SCLT1: variants seen among roughly 807,000 people sequenced by gnomAD.
SCLT1 encodes sodium channel-associated protein 1.
Under a neutral mutation model 112.8 loss-of-function variants are expected in SCLT1, and 78 were observed. That is an observed-to-expected ratio of 0.69 (90% CI 0.58 to 0.83). The LOEUF is 0.83. Among genes scored for constraint, SCLT1 ranks in the 40% least tolerant of loss-of-function variants. SCLT1 has a pLI of 0.00. For synonymous variants in SCLT1, 257 were observed against 254.7 expected (o/e 1.01, Z -0.09); for missense variants, 747 against 770.4 (o/e 0.97, Z 0.36).
chr4:128,965,048 A>T (rs1472649538), intron 11 of SCLT1, among the ~76,000 whole-genome samples, 179 bp downstream of exon 11: 1 of 152,238 alleles, frequency 6.6e-6, no homozygotes, highest in African/African-American at 2.4e-5. Flanking sequence ...AAAGTATAGC[A>T]ATCTGTTGAA....
intron 5 of SCLT1, among the ~76,000 whole-genome samples, chr4:129,029,826 A>G (rs1746532531): frequency 6.6e-6 from 1 of 152,140 alleles, no homozygotes; most frequent in African/African-American, 2.4e-5. Context: ...AAGTTCTTAC[A>G]GACCTACAAA....
At chr4:128,889,745 GA>G (rs1267369380) in intron 19 of SCLT1, among the ~76,000 whole-genome samples, 2 of 152,074 alleles carry the variant, frequency 1.3e-5, no homozygotes, top group Non-Finnish European at 2.9e-5. Context: ...TAGTACATCT[GA>G]AAAAAATATT....
At chr4:128,939,640 G>A (rs948392485) in intron 17 of SCLT1, among the ~76,000 whole-genome samples, 2 of 152,100 alleles carry the variant, frequency 1.3e-5, no homozygotes, top group South Asian at 4.1e-4. Flanking sequence ...GTAATGAGGC[G>A]GAATTTAGAC....
chr4:128,993,994 G>T (rs1324499162), intron 8 of SCLT1, among the ~76,000 whole-genome samples: 1 of 151,942 alleles, frequency 6.6e-6, no homozygotes, highest in Non-Finnish European at 1.5e-5. Flanking sequence ...AATTTGCATT[G>T]GTAAAGAAAG....
intron 18 of SCLT1, among the ~76,000 whole-genome samples, chr4:128,900,944 C>T (rs1431209878): frequency 2.0e-5 from 3 of 152,000 alleles, no homozygotes; most frequent in Admixed American, 2.0e-4. Context: ...CACTGGCCAT[C>T]AGAGAAATGC....
intron 5 of SCLT1, among the ~76,000 whole-genome samples, chr4:129,036,324 T>G (rs982818840): frequency 6.6e-6 from 1 of 152,048 alleles, no homozygotes; most frequent in African/African-American, 2.4e-5. Context: ...TCAAAAGACC[T>G]GCATATGAAA....
intron 5 of SCLT1, among the ~76,000 whole-genome samples, chr4:129,010,321 T>C (rs923422896): frequency 6.6e-6 from 1 of 152,204 alleles, no homozygotes; most frequent in African/African-American, 2.4e-5. Flanking sequence ...ACTGTAGCCC[T>C]GCAGTATAGT....
intron 2 of SCLT1, among the ~76,000 whole-genome samples, chr4:129,079,565 T>A (rs1449095542): frequency 1.3e-5 from 2 of 152,212 alleles, no homozygotes; most frequent in Non-Finnish European, 2.9e-5. Context: ...CTTGGGCAGC[T>A]CTGCCTCTGT....
chr4:129,003,753 C>G lies in SCLT1; in HGVS notation c.414G>C (p.Gln138His). ...ACATGTCACTCACTTGATTGGCTAG[C>G]TGCAATTGTTCTTGAAGGTTTCTGA... ...ETVRNLQEQL[Q>H]LANQEKTQAV... Residue 138 changes from glutamine (Q) to histidine (H), a missense_variant, in exon 6 of 21, where the codon CAG (glutamine) becomes CAC (histidine). Coordinates refer to ENST00000281142, the MANE Select transcript of SCLT1 (RefSeq NM_144643.4). The G allele has an allele frequency of 6.2e-7, 1 of 1,605,100 alleles. No individual in the cohort carries two copies. The highest frequency in any genetic ancestry group is 8.5e-7 in the Non-Finnish European group (1 of 1,176,396).
chr4:128,922,318 T>A (rs940204521), intron 18 of SCLT1, among the ~76,000 whole-genome samples: 1 of 152,152 alleles, frequency 6.6e-6, no homozygotes, highest in Non-Finnish European at 1.5e-5. Flanking sequence ...CCAAGGAATA[T>A]AAATTGTTTT....
At chr4:129,031,620 G>A (rs1746729693) in intron 5 of SCLT1, among the ~76,000 whole-genome samples, 2 of 152,030 alleles carry the variant, frequency 1.3e-5, no homozygotes, top group African/African-American at 2.4e-5. Flanking sequence ...AAAGTCTCAG[G>A]ATACCAAATT....
At chr4:129,016,086 T>C (rs971349045) in intron 5 of SCLT1, among the ~76,000 whole-genome samples, 1 of 152,240 alleles carries the variant, frequency 6.6e-6, no homozygotes, top group Non-Finnish European at 1.5e-5. Context: ...ATGTTTTTTT[T>C]TAGAGTTTCT....
Position 128,978,365 on chromosome 4 carries a change from G to A in SCLT1, c.687-7897C>T, listed in dbSNP as rs559553592. Among the ~76,000 whole-genome samples the A allele has an allele frequency of 2.6e-5, 4 of 152,058 alleles. No individual in the cohort carries two copies. The East Asian group carries it at 7.8e-4, about 29-fold the overall frequency. Reference sequence around the variant, plus strand: ...TGAAGGAGAAAAACTGAGTCACATGGTTAGAAATCTAAGAAATGTATACTT... The same window carrying A: ...TGAAGGAGAAAAACTGAGTCACATGATTAGAAATCTAAGAAATGTATACTT... On this transcript the variant is annotated intron_variant, in intron 9 of 20. Transcript: ENST00000281142.
chr4:129,050,695 A>G (rs966778877), intron 2 of SCLT1, among the ~76,000 whole-genome samples: 5 of 152,116 alleles, frequency 3.3e-5, no homozygotes, highest in Non-Finnish European at 7.4e-5. Flanking sequence ...GTTCACTCTG[A>G]TGATAGTTGC....
At chr4:129,063,111 T>C (rs1467792568) in intron 2 of SCLT1, among the ~76,000 whole-genome samples, 1 of 152,254 alleles carries the variant, frequency 6.6e-6, no homozygotes, top group Admixed American at 6.5e-5. Flanking sequence ...TAATTTCAAA[T>C]GACCTGCTTT....
intron 3 of SCLT1, 56 bp from the exon 4 acceptor site, chr4:129,043,523 T>C (rs758307620): frequency 1.9e-5 from 14 of 733,764 alleles, no homozygotes; most frequent in Non-Finnish European, 2.9e-5. Flanking sequence ...TTAATAAATA[T>C]ATAACAAGTG....
chr4:128,964,989 G>A (rs1334658272), intron 11 of SCLT1, among the ~76,000 whole-genome samples: 1 of 152,120 alleles, frequency 6.6e-6, no homozygotes, highest in Non-Finnish European at 1.5e-5. Flanking sequence ...AATGTACTTA[G>A]TAAAGGTTCT....
chr4:128,881,368 T>C (rs964551560), downstream of SCLT1, among the ~76,000 whole-genome samples: 30 of 152,228 alleles, frequency 2.0e-4, no homozygotes, highest in Admixed American at 2.0e-3. Flanking sequence ...TTTTTCACTC[T>C]TTCTTGATTT....
At chr4:129,059,588 CTCTT>C (rs1157150067) in intron 2 of SCLT1, among the ~76,000 whole-genome samples, 1 of 152,120 alleles carries the variant, frequency 6.6e-6, no homozygotes, top group African/African-American at 2.4e-5. Flanking sequence ...CTGGGGAAAA[CTCTT>C]TCTCCCTCAT....
Sources: gnomAD v4.1 joint callset for allele counts (sites outside exome capture counted in the v4.1 genomes callset) on GRCh38, gnomAD v4.1.1 for gene constraint, MANE v1.5 for transcripts, NCBI Gene and HGNC (gene_info 2026-07-23, HGNC 2026-07-21) for gene names.